Variants in RGS6 observed in about 807,000 individuals in gnomAD.
RGS6 encodes regulator of G-protein signaling 6.
A neutral mutation model predicts 78.5 loss-of-function variants in RGS6; 30 were observed. The ratio of observed to expected loss-of-function variants is 0.38; its 90% CI spans 0.29 to 0.52. The LOEUF (loss-of-function observed/expected upper bound fraction) is 0.52, where lower values mean the gene tolerates loss of function less well. Among genes scored for constraint, RGS6 ranks in the 20% least tolerant of loss-of-function variants. RGS6 has a pLI of 0.85. For synonymous variants in RGS6, 206 were observed against 206.0 expected, an observed-to-expected ratio of 1.00 and a Z score of 0.00; for missense variants, 495 against 609.7, an observed-to-expected ratio of 0.81 and a Z score of 1.98.
At chr14:72,125,919 T>A (rs2096180219) in intron 2 of RGS6, among the ~76,000 whole-genome samples, 1 of 152,202 alleles carries the variant, frequency 6.6e-6, no homozygotes, top group South Asian at 2.1e-4. Context: ...TGTAAGCAAC[T>A]GTTACCATGA....
intron 3 of RGS6, among the ~76,000 whole-genome samples, chr14:72,404,391 C>T (rs1877473141): frequency 6.6e-6 from 1 of 152,132 alleles, no homozygotes; most frequent in Admixed American, 6.5e-5. Flanking sequence ...CTGTATGAAG[C>T]CAGAACCCAA....
chr14:72,183,634 A>C (rs2097202354), intron 2 of RGS6, among the ~76,000 whole-genome samples: 1 of 152,232 alleles, frequency 6.6e-6, no homozygotes, highest in South Asian at 2.1e-4. Flanking sequence ...AAGAACATGA[A>C]TAATACGTTA....
At chr14:71,966,574 C>T (rs1330163980) in intron 2 of RGS6, among the ~76,000 whole-genome samples, 5 of 152,140 alleles carry the variant, frequency 3.3e-5, no homozygotes, top group Non-Finnish European at 7.3e-5. Flanking sequence ...AACTTTACCA[C>T]TCTTTAGCAG....
chr14:71,965,285 A>C (rs944636182), intron 2 of RGS6, among the ~76,000 whole-genome samples: 1 of 152,234 alleles, frequency 6.6e-6, no homozygotes, highest in Non-Finnish European at 1.5e-5. Context: ...GAGACATAAG[A>C]TGTACACAAA....
Position 71,975,075 on chromosome 14 carries a change from G to T in RGS6, c.84+10200G>T, listed in dbSNP as rs1012054396. Among the ~76,000 whole-genome samples the T allele has an allele frequency of 9.2e-5, 14 of 152,342 alleles. No homozygotes were observed. The South Asian group carries it at 2.9e-3, about 32-fold the overall frequency. The stretch of plus-strand genomic sequence containing the variant: ...AGGTGGAGGTGGGGGAATCACTTGA[G>T]CCTGGGAGGTCAAGGCTGCAGTGGG... On this transcript the variant is annotated intron_variant, in intron 2 of 17. Coordinates refer to ENST00000553525, the MANE Select transcript of RGS6 (RefSeq NM_001204424.2).
chr14:71,942,202 T>C (rs530410053), intron 1 of RGS6, among the ~76,000 whole-genome samples: 2 of 152,262 alleles, frequency 1.3e-5, no homozygotes, highest in South Asian at 4.2e-4. Flanking sequence ...AAGTAGGCAA[T>C]TAAATTGAAC....
At chr14:72,515,508 A>C (rs2096930300) in intron 14 of RGS6, among the ~76,000 whole-genome samples, 1 of 152,176 alleles carries the variant, frequency 6.6e-6, no homozygotes, top group African/African-American at 2.4e-5. Flanking sequence ...TCTGCTAAAA[A>C]TGCAAAAATT....
At chr14:71,917,739 C>T in the RGS6 span, among the ~76,000 whole-genome samples, 1 of 152,162 alleles carries the variant, frequency 6.6e-6, no homozygotes, top group Non-Finnish European at 1.5e-5. Flanking sequence ...AGTTCTGTTC[C>T]AGGGGTCATC....
intron 2 of RGS6, among the ~76,000 whole-genome samples, chr14:72,328,113 G>T (rs988049709): frequency 2.0e-5 from 3 of 152,112 alleles, no homozygotes; most frequent in African/African-American, 7.2e-5. Context: ...CAGGTCAAGG[G>T]AAGGAGGGAA....
intron 14 of RGS6, among the ~76,000 whole-genome samples, chr14:72,518,004 T>C (rs1389555368): frequency 6.6e-6 from 1 of 152,202 alleles, no homozygotes; most frequent in African/African-American, 2.4e-5. Flanking sequence ...AGGTTGCTGC[T>C]AAACATCCTA....
chr14:72,224,187 G>A (rs2047544151), intron 2 of RGS6, among the ~76,000 whole-genome samples: 1 of 152,216 alleles, frequency 6.6e-6, no homozygotes, highest in East Asian at 1.9e-4. Context: ...GGGAGGCCAA[G>A]GTGGGCAGAT....
At chr14:72,385,901 T>A (rs2087808836) in intron 3 of RGS6, among the ~76,000 whole-genome samples, 2 of 152,148 alleles carry the variant, frequency 1.3e-5, no homozygotes, top group South Asian at 4.1e-4. Context: ...TGAACGAGGG[T>A]GGAAGAAAGC....
intron 2 of RGS6, among the ~76,000 whole-genome samples, chr14:72,150,215 C>T (rs562707442): frequency 3.8e-4 from 58 of 152,134 alleles, no homozygotes; most frequent in African/African-American, 1.4e-3. Context: ...CAAAGAAGCC[C>T]ATGGGGAGAT....
intron 17 of RGS6, chr14:72,541,367 A>T: frequency 7.2e-7 from 1 of 1,391,096 alleles, no homozygotes; most frequent in Non-Finnish European, 9.7e-7. Flanking sequence ...GCTACATGTA[A>T]ACCTCAAATA....
chr14:71,996,217 T>G (rs1372822283), intron 2 of RGS6, among the ~76,000 whole-genome samples: 1 of 151,894 alleles, frequency 6.6e-6, no homozygotes, highest in African/African-American at 2.4e-5. Context: ...CCACACCAAT[T>G]GTTTCCCCCA....
chr14:72,141,481 T>C (rs2096538713), intron 2 of RGS6, among the ~76,000 whole-genome samples: 1 of 152,204 alleles, frequency 6.6e-6, no homozygotes, highest in African/African-American at 2.4e-5. Flanking sequence ...GAGTTTCTTC[T>C]TTTCTTTTAG....
At chr14:71,917,778 T>C in the RGS6 span, among the ~76,000 whole-genome samples, 1 of 152,216 alleles carries the variant, frequency 6.6e-6, no homozygotes, top group Non-Finnish European at 1.5e-5. Context: ...GATCATTTAA[T>C]GATTCTCCCT....
At chr14:72,447,258 G>A (rs1323974162) in intron 3 of RGS6, among the ~76,000 whole-genome samples, 3 of 152,150 alleles carry the variant, frequency 2.0e-5, no homozygotes. Context: ...ACAGTGGGGT[G>A]AGGGCACCTA....
intron 2 of RGS6, among the ~76,000 whole-genome samples, chr14:72,293,726 G>C (rs2064116116): frequency 6.6e-6 from 1 of 152,164 alleles, no homozygotes. Context: ...CATTATTTTG[G>C]AGTATGGACC....
Sources: gnomAD v4.1 joint callset for allele counts (sites outside exome capture counted in the v4.1 genomes callset) on GRCh38, gnomAD v4.1.1 for gene constraint, MANE v1.5 for transcripts, NCBI Gene and HGNC (gene_info 2026-07-23, HGNC 2026-07-21) for gene names.